Variants in LARP1B observed in about 807,000 individuals in gnomAD.
LARP1B encodes La ribonucleoprotein 1B, also known as la-related protein 1B.
A neutral mutation model predicts 114.2 loss-of-function variants in LARP1B; 76 were observed. The observed-to-expected ratio is 0.67, with a 90% CI of 0.55 to 0.81. The LOEUF (loss-of-function observed/expected upper bound fraction) is 0.81, where lower values mean the gene tolerates loss of function less well. LARP1B is among the 30% of genes least tolerant of loss of function. LARP1B has a pLI of 0.00. For missense variants in LARP1B, 1,014 were observed against 1,075.8 expected (o/e 0.94, Z 0.80); for synonymous variants, 345 against 348.0 (o/e 0.99, Z 0.10).
chr4:128,074,082 A>C (rs1010028040), intron 1 of LARP1B, among the ~76,000 whole-genome samples: 2 of 151,914 alleles, frequency 1.3e-5, no homozygotes, highest in African/African-American at 4.8e-5. Context: ...CTGGGATTAC[A>C]GGCATGTGCC....
intron 11 of LARP1B, among the ~76,000 whole-genome samples, chr4:128,132,542 G>A (rs957613725): frequency 5.9e-5 from 9 of 151,854 alleles, no homozygotes; most frequent in East Asian, 5.8e-4. Context: ...CACTGTGCCC[G>A]GCCAATTTTT....
chr4:128,063,064 A>G (rs549561187), intron 1 of LARP1B, among the ~76,000 whole-genome samples: 3 of 152,328 alleles, frequency 2.0e-5, no homozygotes, highest in South Asian at 2.1e-4. Flanking sequence ...TTATGCCACT[A>G]TATTTGAATG....
In LARP1B at chr4:128,210,335, G is replaced by T. The variant is rs1238536457; in HGVS notation, c.*282G>T. ...CTTCTAGTAATGTATTTTGATCTCA[G>T]ATTTCTTTTTCAAAGCCATGGTTTT... On this transcript the variant is annotated 3_prime_UTR_variant, in exon 20 of 20. Transcript: ENST00000326639. The T allele has an allele frequency of 3.5e-6, 4 of 1,146,916 alleles. No homozygotes were observed. The African/African-American group carries it at 4.8e-5, about 14-fold the overall frequency. 71.0% of individuals were successfully genotyped at this position (1,146,916 alleles called of 1,614,324 possible).
chr4:128,157,070 G>A (rs1312601444), intron 11 of LARP1B, among the ~76,000 whole-genome samples: 1 of 151,754 alleles, frequency 6.6e-6, no homozygotes, highest in African/African-American at 2.4e-5. Context: ...AGAAACAACA[G>A]GAAATAGAAA....
intron 10 of LARP1B, among the ~76,000 whole-genome samples, chr4:128,115,084 C>T (rs959778234): frequency 7.2e-5 from 11 of 151,916 alleles, no homozygotes; most frequent in South Asian, 2.1e-4. Flanking sequence ...ATTATAGGCG[C>T]GAGCCACCAT....
In LARP1B at chr4:128,098,761, ATATATATTTTTTTTT is replaced by A. The variant is rs1187742132; in HGVS notation, c.813+433_813+447del. 2.8e-4 allele frequency among the ~76,000 whole-genome samples: 10 copies of A among 35,316 alleles called. 2 individuals are homozygous for A. The South Asian group carries it at 9.3e-3, about 33-fold the overall frequency. The allele number at this position is 35,316 out of a possible 152,430, so 23.2% of individuals were successfully genotyped here. ...TATATGTATGTGTATATATATATAT[ATATATATTTTTTTTT>A]TTTTTTTTTTTTTTTTTTTAAGACA... On this transcript the variant is annotated intron_variant, in intron 8 of 19. Transcript: ENST00000326639.
At chr4:128,101,682 G>A (rs753846292) in intron 8 of LARP1B, among the ~76,000 whole-genome samples, 4 of 151,112 alleles carry the variant, frequency 2.6e-5, no homozygotes, top group Non-Finnish European at 4.4e-5. Context: ...GTTTCACCAC[G>A]TTGGCCAGGT....
chr4:128,100,225 A>T (rs893334337), intron 8 of LARP1B, among the ~76,000 whole-genome samples: 1 of 151,966 alleles, frequency 6.6e-6, no homozygotes, highest in Non-Finnish European at 1.5e-5. Context: ...GGCCTCCCAA[A>T]GTGCCGGGAT....
intron 11 of LARP1B, among the ~76,000 whole-genome samples, chr4:128,131,384 C>T (rs1376929991): frequency 3.3e-5 from 5 of 152,012 alleles, no homozygotes; most frequent in African/African-American, 9.7e-5. Context: ...TTATTTTCTT[C>T]TAAAAATTTT....
chr4:128,199,680 A>T, intron 16 of LARP1B, 81 bp downstream of exon 16: 2 of 646,044 alleles, frequency 3.1e-6, no homozygotes, highest in Non-Finnish European at 4.5e-6. Flanking sequence ...GTCATTTAAT[A>T]TCAGGTTAAG....
chr4:128,084,291 G>A (rs1238256713), intron 5 of LARP1B, among the ~76,000 whole-genome samples: 18 of 152,310 alleles, frequency 1.2e-4, no homozygotes, highest in African/African-American at 3.1e-4. Context: ...GATGGAGGTT[G>A]TAGCGAGCTG....
At chr4:128,120,515 C>T (rs1009861955) in intron 10 of LARP1B, among the ~76,000 whole-genome samples, 1 of 149,566 alleles carries the variant, frequency 6.7e-6, no homozygotes, top group Non-Finnish European at 1.5e-5. Flanking sequence ...GTGGCACAAT[C>T]TCAGCTCACT....
chr4:128,099,780 A>G (rs1394536335), intron 8 of LARP1B, among the ~76,000 whole-genome samples: 1 of 152,070 alleles, frequency 6.6e-6, no homozygotes, highest in East Asian at 1.9e-4. Context: ...TGATTGCTGG[A>G]AAGTATAGTA....
intron 11 of LARP1B, among the ~76,000 whole-genome samples, chr4:128,134,128 G>A (rs919992929): frequency 9.2e-5 from 14 of 151,856 alleles, no homozygotes; most frequent in African/African-American, 3.1e-4. Context: ...AGCCTCCAGA[G>A]TAGTTGGGAC....
chr4:128,144,014 C>T lies in LARP1B; in HGVS notation c.1525-18180C>T, dbSNP rs1272390861. Among the ~76,000 whole-genome samples, 3 of 152,170 alleles carry T rather than the reference C, an allele frequency of 2.0e-5. No individual in the cohort carries two copies. In the South Asian group the frequency reaches 6.2e-4, roughly 32 times the overall value. ...CTCAACCTCAGTACTATTAACATTTCGAACTAGGTGATTCTTTGTTGTAGA... is the reference window on the plus strand; with the variant it reads ...CTCAACCTCAGTACTATTAACATTTTGAACTAGGTGATTCTTTGTTGTAGA... On this transcript the variant is annotated intron_variant, in intron 11 of 19. Transcript: ENST00000326639.
At chr4:128,062,145 C>A in intron 1 of LARP1B, 1 of 985,400 alleles carries the variant, frequency 1.0e-6, no homozygotes, top group Non-Finnish European at 1.2e-6. Flanking sequence ...AATCCCTGGA[C>A]CAAAAAGCCT....
chr4:128,093,549 T>C (rs917715454), intron 7 of LARP1B, among the ~76,000 whole-genome samples: 3 of 151,436 alleles, frequency 2.0e-5, no homozygotes, highest in African/African-American at 7.3e-5. Context: ...TGAGCCGAGA[T>C]AGTGCCACTG....
rs1458310804 is a variant in LARP1B at position 128,098,199 on chromosome 4, A to G, written c.682A>G (p.Ser228Gly). 6.2e-7 allele frequency: 1 copy of G among 1,609,194 alleles called. No individual in the cohort carries two copies. Residue 228 changes from serine to glycine, a missense_variant, in exon 8 of 20, where the codon AGT (serine) becomes GGT (glycine). Transcript: ENST00000326639. ...TTCTCTTTTCAGTGAATATTACTTC[A>G]GTGTAGAAAATTTGGAACGAGACTT... ...YIKRQIEYYF[S>G]VENLERDFFL...
chr4:128,123,879 T>C (rs1056954615), intron 11 of LARP1B: 4 of 166,008 alleles, frequency 2.4e-5, no homozygotes, highest in African/African-American at 7.2e-5. Context: ...AGGCATGTGC[T>C]GATCTTATTC....
Sources: allele counts gnomAD v4.1 joint callset (sites outside exome capture counted in the v4.1 genomes callset), GRCh38; gene constraint gnomAD v4.1.1; transcripts MANE v1.5; gene names NCBI Gene and HGNC (gene_info 2026-07-23, HGNC 2026-07-21).